Variants in KCTD2 observed in about 807,000 individuals in gnomAD.
The protein encoded by KCTD2 is BTB/POZ domain-containing protein KCTD2.
KCTD2 carries 18 observed loss-of-function variants against 27.9 expected under a neutral mutation model. The ratio of observed to expected loss-of-function variants is 0.64; its 90% CI spans 0.45 to 0.96. The LOEUF (loss-of-function observed/expected upper bound fraction) is 0.96, where lower values mean the gene tolerates loss of function less well. KCTD2 is among the 40% of genes least tolerant of loss of function. The pLI, the probability that KCTD2 is intolerant of heterozygous loss-of-function variation, is 0.00. For synonymous variants in KCTD2, 175 were observed against 148.4 expected (o/e 1.18, Z -1.30); for missense variants, 280 against 348.0 (o/e 0.80, Z 1.56).
exon 3 of KCTD2, chr17:75,035,276 T>A (rs2040105734): frequency 6.6e-6 from 1 of 152,092 alleles, no homozygotes; most frequent in Non-Finnish European, 1.5e-5. Context: ...GCTCCCGGGA[T>A]CCGAAGCTGG....
intron 1 of KCTD2, among the ~76,000 whole-genome samples, chr17:75,033,563 T>C (rs962091150): frequency 2.6e-5 from 4 of 152,192 alleles, no homozygotes; most frequent in Admixed American, 2.6e-4. Context: ...AATTCCTGGA[T>C]TTTTTATCAG....
chr17:75,054,602 G>A (rs1350754444), intron 3 of KCTD2, among the ~76,000 whole-genome samples: 1 of 151,986 alleles, frequency 6.6e-6, no homozygotes, highest in African/African-American at 2.4e-5. Flanking sequence ...TCAGGAGATC[G>A]AGACCATCCT....
In KCTD2 at chr17:75,065,396, A is replaced by G. The variant is rs553713549; in HGVS notation, c.*2349A>G. On this transcript the variant is annotated 3_prime_UTR_variant, in exon 6 of 6. Coordinates refer to ENST00000322444, the MANE Select transcript of KCTD2 (RefSeq NM_015353.3). ...CTGAGTGTCTGGCTGATCACATCAG[A>G]GAGGTCTGCGTGGCAGTTTGGGGCT... 3.3e-5 allele frequency: 5 copies of G among 152,252 alleles called. No individual in the cohort carries two copies. In the South Asian group the frequency reaches 1.0e-3, roughly 32 times the overall value. 9.4% of individuals were successfully genotyped at this position (152,252 alleles called of 1,614,324 possible). A position where few individuals can be genotyped will look rare whatever the true frequency, so the allele number is the denominator to read the frequency against.
In KCTD2 at chr17:75,049,254, C is replaced by G; in HGVS notation, c.374C>G (p.Pro125Arg). 2 of 1,613,612 alleles carry G rather than the reference C, an allele frequency of 1.2e-6. No homozygotes were observed. The highest frequency in any genetic ancestry group is 1.7e-6 in the Non-Finnish European group (2 of 1,179,604). ...ETGAYLIDRD[P>R]TYFGPILNYL... ...GGAGCCTATCTGATTGACAGGGACCCCACCTACTTTGGTCCTATCCTCAAC... is the reference window on the plus strand; with the variant it reads ...GGAGCCTATCTGATTGACAGGGACCGCACCTACTTTGGTCCTATCCTCAAC... Residue 125 changes from proline (P) to arginine (R), a missense_variant, in exon 2 of 6, where the codon CCC becomes CGC. Transcript: ENST00000322444.
chr17:75,051,376 C>G (rs1179381067), intron 2 of KCTD2, among the ~76,000 whole-genome samples: 1 of 148,658 alleles, frequency 6.7e-6, no homozygotes, highest in Non-Finnish European at 1.5e-5. Context: ...CATCCACCTC[C>G]CGGGTTCAAG....
intron 3 of KCTD2, among the ~76,000 whole-genome samples, chr17:75,037,041 A>G (rs1374144559): frequency 6.6e-6 from 1 of 152,042 alleles, no homozygotes; most frequent in East Asian, 1.9e-4. Context: ...CTCTTCTCCA[A>G]TATACTCCGC....
chr17:75,044,544 G>T (rs929586201), upstream of KCTD2, among the ~76,000 whole-genome samples: 1 of 149,394 alleles, frequency 6.7e-6, no homozygotes, highest in Non-Finnish European at 1.5e-5. Context: ...GTTTCTCCAC[G>T]TTGGCCAGGA....
intron 3 of KCTD2, among the ~76,000 whole-genome samples, chr17:75,038,396 G>A (rs952634327): frequency 1.3e-5 from 2 of 152,182 alleles, no homozygotes; most frequent in Non-Finnish European, 2.9e-5. Flanking sequence ...ACCCGCCTGG[G>A]CCTCCCAAAA....
intron 2 of KCTD2, among the ~76,000 whole-genome samples, chr17:75,050,146 C>T (rs1598121716): frequency 6.6e-6 from 1 of 152,326 alleles, no homozygotes; most frequent in East Asian, 1.9e-4. Context: ...GGGAATAGTA[C>T]ATACAGTGAA....
rs2073421254 is a variant in KCTD2 at position 75,063,083 on chromosome 17, C to G, written c.*36C>G. On this transcript the variant is annotated 3_prime_UTR_variant, in exon 6 of 6. Coordinates refer to ENST00000322444, the MANE Select transcript of KCTD2 (RefSeq NM_015353.3). The stretch of plus-strand genomic sequence containing the variant: ...CGAAAACTCCAGACCTTCAGGAGAG[C>G]AGTCAGCAGAGCCCCTCTGTGAAGT... 1 of 1,601,040 alleles carries G rather than the reference C, an allele frequency of 6.2e-7. No homozygotes were observed. The highest frequency in any genetic ancestry group is 2.2e-5 in the East Asian group (1 of 44,806).
intron 3 of KCTD2, among the ~76,000 whole-genome samples, chr17:75,057,140 G>A (rs1377445941): frequency 6.6e-6 from 1 of 151,794 alleles, no homozygotes; most frequent in Non-Finnish European, 1.5e-5. Context: ...TTTTAGTAGA[G>A]ACAGGGTATC....
rs369140526 is a variant in KCTD2, at chr17:75,063,059, G to T, written c.*12G>T. 1 of 1,613,268 alleles carries T rather than the reference G, an allele frequency of 6.2e-7. No individual in the cohort carries two copies. The highest frequency in any genetic ancestry group is 8.5e-7 in the Non-Finnish European group (1 of 1,179,502). ...GATCGCGGATGTAAACTAAGACCCC[G>T]AAAACTCCAGACCTTCAGGAGAGCA... On this transcript the variant is annotated 3_prime_UTR_variant, in exon 6 of 6. Coordinates refer to ENST00000322444, the MANE Select transcript of KCTD2 (RefSeq NM_015353.3).
chr17:75,063,487 C>T lies in KCTD2; in HGVS notation c.*440C>T, dbSNP rs1281094337. Reference sequence around the variant, plus strand: ...CCACAATGGACGTTAGCAGCTGCTTCGGAACACCGTCCCTCCTATGCACCC... The same window carrying T: ...CCACAATGGACGTTAGCAGCTGCTTTGGAACACCGTCCCTCCTATGCACCC... On this transcript the variant is annotated 3_prime_UTR_variant, in exon 6 of 6. Coordinates refer to ENST00000322444, the MANE Select transcript of KCTD2 (RefSeq NM_015353.3). 4 of 195,658 alleles carry T rather than the reference C, an allele frequency of 2.0e-5. No homozygotes were observed. The highest frequency in any genetic ancestry group is 5.2e-5 in the Admixed American group (1 of 19,106). The allele number at this position is 195,658 out of a possible 1,614,324, so 12.1% of individuals were successfully genotyped here.
At chr17:75,048,235 C>G (rs921579333) in intron 1 of KCTD2, among the ~76,000 whole-genome samples, 1 of 152,064 alleles carries the variant, frequency 6.6e-6, no homozygotes, top group Non-Finnish European at 1.5e-5. Context: ...AAAATTTTCC[C>G]GGGAAAATTT....
chr17:75,046,113 C>G (rs2073213271), upstream of KCTD2, among the ~76,000 whole-genome samples: 1 of 152,274 alleles, frequency 6.6e-6, no homozygotes, highest in East Asian at 1.9e-4. Context: ...GACGGAGTCT[C>G]GCACTGTCGC....
upstream of KCTD2, among the ~76,000 whole-genome samples, chr17:75,046,757 G>C (rs919496024): frequency 2.0e-5 from 3 of 152,362 alleles, no homozygotes; most frequent in Admixed American, 1.3e-4. Flanking sequence ...CTGAGGAAGG[G>C]ATCGCGGGGC....
chr17:75,040,017 A>G, intron 3 of KCTD2: 1 of 1,500,704 alleles, frequency 6.7e-7, no homozygotes, highest in Non-Finnish European at 9.2e-7. Context: ...AATTCACTCT[A>G]ACTTAACTTA....
intron 5 of KCTD2, 79 bp downstream of exon 5, chr17:75,062,324 C>A: frequency 7.2e-7 from 1 of 1,383,608 alleles, no homozygotes; most frequent in Non-Finnish European, 9.9e-7. Context: ...TGAACTCTTG[C>A]TCCTCACTTC....
chr17:75,055,415 T>C (rs1418867779), intron 3 of KCTD2, among the ~76,000 whole-genome samples: 1 of 151,652 alleles, frequency 6.6e-6, no homozygotes. Context: ...ATTTCATATA[T>C]CAAAGTTTTC....
Sources: gnomAD v4.1 joint callset for allele counts (sites outside exome capture counted in the v4.1 genomes callset) on GRCh38, gnomAD v4.1.1 for gene constraint, MANE v1.5 for transcripts, NCBI Gene and HGNC (gene_info 2026-07-23, HGNC 2026-07-21) for gene names.